MEIKIN: variants seen among roughly 807,000 people sequenced by gnomAD.
The protein encoded by MEIKIN is meiotic kinetochore factor.
At chr5:131,872,891 C>T (rs1216794474) in intron 9 of MEIKIN, among the ~76,000 whole-genome samples, 1 of 152,154 alleles carries the variant, frequency 6.6e-6, no homozygotes, top group Non-Finnish European at 1.5e-5. Flanking sequence ...TCATATCCAG[C>T]CAAACTAAGC....
intron 8 of MEIKIN, among the ~76,000 whole-genome samples, chr5:131,884,539 G>A (rs1750745269): frequency 6.6e-6 from 1 of 150,902 alleles, no homozygotes; most frequent in Non-Finnish European, 1.5e-5. Context: ...AATGATACCA[G>A]GTAGTATACC....
chr5:131,912,082 T>A (rs1052730472), intron 7 of MEIKIN, among the ~76,000 whole-genome samples: 1 of 152,062 alleles, frequency 6.6e-6, no homozygotes, highest in Non-Finnish European at 1.5e-5. Context: ...CATTTATGAG[T>A]GTGAAACAAT....
intron 12 of MEIKIN, among the ~76,000 whole-genome samples, chr5:131,817,499 C>G (rs1456864966): frequency 6.6e-6 from 1 of 151,730 alleles, no homozygotes; most frequent in African/African-American, 2.4e-5. Flanking sequence ...GCCTGTAGTC[C>G]CAGCTACTCG....
intron 4 of MEIKIN, among the ~76,000 whole-genome samples, chr5:131,941,857 CTT>C (rs1405219562): frequency 1.3e-5 from 2 of 152,194 alleles, no homozygotes; most frequent in Non-Finnish European, 2.9e-5. Context: ...CAGTAGTCAT[CTT>C]TGACACCTCC....
At chr5:131,857,879 A>C (rs1750222927) in intron 9 of MEIKIN, among the ~76,000 whole-genome samples, 1 of 152,074 alleles carries the variant, frequency 6.6e-6, no homozygotes, top group Admixed American at 6.5e-5. Flanking sequence ...AATGTGCGGC[A>C]CTCTGCCCTG....
At chr5:131,871,359 A>G (rs1414569977) in intron 9 of MEIKIN, among the ~76,000 whole-genome samples, 1 of 152,230 alleles carries the variant, frequency 6.6e-6, no homozygotes, top group East Asian at 1.9e-4. Context: ...TATATCCCGC[A>G]CATGGCTCAG....
At chr5:131,940,868 T>C (rs1580917750) in intron 4 of MEIKIN, among the ~76,000 whole-genome samples, 1 of 152,224 alleles carries the variant, frequency 6.6e-6, no homozygotes, top group Non-Finnish European at 1.5e-5. Context: ...ATTGACTACA[T>C]CTTTTACTTT....
At position 131,875,656 on chromosome 5, in the gene MEIKIN, T is replaced by C. The variant is rs1750598795; in HGVS notation, c.774+3322A>G. Among the ~76,000 whole-genome samples the C allele has an allele frequency of 1.3e-5, 2 of 152,292 alleles. 1 individual carries two copies. The highest frequency in any genetic ancestry group is 6.8e-3 in the Middle Eastern group (2 of 294). Reference sequence around the variant, plus strand: ...TTGGAAAAAACTACTTTCAAGTTCATACGGAACCAAAAAAGAGCCCGCATC... The same window carrying C: ...TTGGAAAAAACTACTTTCAAGTTCACACGGAACCAAAAAAGAGCCCGCATC... On this transcript the variant is annotated intron_variant, in intron 9 of 12. Coordinates refer to ENST00000442687, the MANE Select transcript of MEIKIN (RefSeq NM_001303622.2).
intron 8 of MEIKIN, among the ~76,000 whole-genome samples, chr5:131,887,366 C>A (rs1422716325): frequency 6.6e-6 from 1 of 152,052 alleles, no homozygotes; most frequent in African/African-American, 2.4e-5. Context: ...AGTAAGGGGA[C>A]CACTGGGTCA....
rs17617164 is a variant in MEIKIN at position 131,855,840 on chromosome 5, G to A, written c.775-1006C>T. Among the ~76,000 whole-genome samples the A allele has an allele frequency of 3.7e-3, 562 of 152,248 alleles. 3 individuals carry two copies. Among genetic ancestry groups the A allele is most frequent in the Non-Finnish European group, 6.1e-3 (416 of 68,012 alleles). ...TCTAGGATAGCAAAAGCAAAGAAAC[G>A]GGTAGAAAGGTAGAGTAGAAAGTAA... On this transcript the variant is annotated intron_variant, in intron 9 of 12. Transcript: ENST00000442687.
chr5:131,927,962 G>A (rs1167948082), intron 5 of MEIKIN, among the ~76,000 whole-genome samples: 4 of 151,746 alleles, frequency 2.6e-5, no homozygotes, highest in Non-Finnish European at 4.4e-5. Context: ...TGGCTAACAC[G>A]GTGAAACCCC....
chr5:131,820,816 G>C (rs1749484981), intron 11 of MEIKIN, among the ~76,000 whole-genome samples: 2 of 152,080 alleles, frequency 1.3e-5, no homozygotes, highest in Non-Finnish European at 2.9e-5. Flanking sequence ...TGCTCATAGT[G>C]GACACTAATG....
intron 8 of MEIKIN, among the ~76,000 whole-genome samples, chr5:131,890,036 C>T (rs567768183): frequency 7.9e-5 from 12 of 152,154 alleles, no homozygotes; most frequent in African/African-American, 2.9e-4. Flanking sequence ...GTATGTTGAA[C>T]CAGCCCTGCA....
intron 4 of MEIKIN, among the ~76,000 whole-genome samples, chr5:131,942,054 C>T (rs1266863720): frequency 6.6e-6 from 1 of 152,222 alleles, no homozygotes; most frequent in Non-Finnish European, 1.5e-5. Flanking sequence ...TTCTTCCACA[C>T]TGCAGCTAAA....
At chr5:131,940,795 T>C (rs1468345476) in intron 4 of MEIKIN, among the ~76,000 whole-genome samples, 1 of 152,214 alleles carries the variant, frequency 6.6e-6, no homozygotes, top group Non-Finnish European at 1.5e-5. Context: ...AAGTCTGCTG[T>C]ATCAGAAGTC....
intron 3 of MEIKIN, among the ~76,000 whole-genome samples, chr5:131,943,628 T>A (rs975392064): frequency 5.9e-5 from 9 of 152,158 alleles, no homozygotes; most frequent in African/African-American, 2.2e-4. Flanking sequence ...TCATTTTTTT[T>A]AAAGCACAGG....
At chr5:131,815,152 A>G (rs1231878376) in intron 12 of MEIKIN, among the ~76,000 whole-genome samples, 3 of 152,162 alleles carry the variant, frequency 2.0e-5, no homozygotes, top group Non-Finnish European at 4.4e-5. Flanking sequence ...CTTCTGATCA[A>G]GGAACTCACG....
At chr5:131,939,244 T>C (rs946096396) in intron 4 of MEIKIN, among the ~76,000 whole-genome samples, 1 of 152,180 alleles carries the variant, frequency 6.6e-6, no homozygotes, top group Non-Finnish European at 1.5e-5. Flanking sequence ...CTGTTACTTT[T>C]GAAGATTCCA....
At chr5:131,817,741 T>C (rs1228239574) in intron 12 of MEIKIN, among the ~76,000 whole-genome samples, 1 of 152,172 alleles carries the variant, frequency 6.6e-6, no homozygotes, top group African/African-American at 2.4e-5. Context: ...AAGGAACTTA[T>C]AAAAAAGGGA....
Sources: gnomAD v4.1 joint callset for allele counts (sites outside exome capture counted in the v4.1 genomes callset) on GRCh38, gnomAD v4.1.1 for gene constraint, MANE v1.5 for transcripts, NCBI Gene and HGNC (gene_info 2026-07-23, HGNC 2026-07-21) for gene names.